The following MMP1 variants were observed in gnomAD, a reference collection of about 807,000 sequenced individuals.
The protein encoded by MMP1 is interstitial collagenase.
A neutral mutation model predicts 49.6 loss-of-function variants in MMP1; 51 were observed. The observed-to-expected ratio is 1.03, with a 90% CI of 0.82 to 1.30. The LOEUF (loss-of-function observed/expected upper bound fraction) is 1.30. Among genes scored for constraint, MMP1 ranks in the 50% most tolerant of loss-of-function variants. MMP1 has a pLI of 0.00. For synonymous variants in MMP1, 230 were observed against 196.8 expected, an observed-to-expected ratio of 1.17 and a Z score of -1.41; for missense variants, 623 against 568.7, an observed-to-expected ratio of 1.10 and a Z score of -0.97.
At position 102,797,088 on chromosome 11, in the gene MMP1, C is replaced by G. The variant is rs1858214384; in HGVS notation, c.425G>C (p.Ser142Thr). The G allele has an allele frequency of 6.2e-7, 1 of 1,614,168 alleles. No homozygotes were observed. The highest frequency in any genetic ancestry group is 1.1e-5 in the South Asian group (1 of 91,086). The change falls in exon 3 of 10, where the codon AGT (serine) becomes ACT (threonine). Residue 142 changes from serine to threonine, a missense_variant. Physicochemically the swap from Ser to Thr is moderately conservative, Grantham distance 58 (BLOSUM62 1). Coordinates refer to ENST00000315274, the MANE Select transcript of MMP1 (RefSeq NM_002421.4). Reference protein sequence around the residue: ...HAIEKAFQLWSNVTPLTFTKV... With the variant: ...HAIEKAFQLWTNVTPLTFTKV... The stretch of plus-strand genomic sequence containing the variant: ...GGTGAATGTCAGAGGTGTGACATTA[C>G]TCCAGAGTTGGAAGGCTTTCTCAAT...
Position 102,792,700 on chromosome 11 carries a change from T to C in MMP1, c.938A>G (p.Glu313Gly). The change falls in exon 7 of 10, where the codon GAG becomes GGG. Residue 313 changes from glutamate (E) to glycine (G), a missense_variant. By Grantham distance (98) the Glu-to-Gly change is moderately conservative (BLOSUM62 -2). Transcript: ENST00000315274. ...MRTNPFYPEV[E>G]LNFISVFWPQ... ...CCAGAAAACAGAAATGAAATTGAGCTCAACTTCCGGGTAGAAGGGATTTGT... is the reference window on the plus strand; with the variant it reads ...CCAGAAAACAGAAATGAAATTGAGCCCAACTTCCGGGTAGAAGGGATTTGT... 6.2e-7 allele frequency: 1 copy of C among 1,613,818 alleles called. No individual in the cohort carries two copies. The highest frequency in any genetic ancestry group is 8.5e-7 in the Non-Finnish European group (1 of 1,179,772).
chr11:102,795,765 G>T (rs1017768381), intron 4 of MMP1, among the ~76,000 whole-genome samples, 158 bp from the exon 5 acceptor site: 1 of 152,042 alleles, frequency 6.6e-6, no homozygotes, highest in Non-Finnish European at 1.5e-5. Context: ...AAGGCAGAAG[G>T]CATGCATTTA....
chr11:102,792,476 G>T, intron 7 of MMP1, 129 bp downstream of exon 7: 1 of 915,488 alleles, frequency 1.1e-6, no homozygotes, highest in Non-Finnish European at 1.6e-6. Context: ...GACTTTCATT[G>T]ATTTGGTTGG....
intron 7 of MMP1, 25 bp downstream of exon 7, chr11:102,792,580 A>T (rs1565210505): frequency 6.2e-7 from 1 of 1,608,708 alleles, no homozygotes; most frequent in Non-Finnish European, 8.5e-7. Context: ...TTATTAAAGC[A>T]GTGAAAAATA....
rs371106856 is a variant in MMP1 at position 102,798,028 on chromosome 11, G to T, written c.65C>A (p.Ala22Glu). Residue 22 changes from alanine (A) to glutamate (E), a missense_variant, in exon 1 of 10, where the codon GCG (alanine) becomes GAG (glutamate). Transcript: ENST00000315274. ...FWGVVSHSFPATLETQEQDVD... is the reference protein window; with the variant it reads ...FWGVVSHSFPETLETQEQDVD... ...ATCTTGCTCTTGTGTTTCTAGAGTC[G>T]CTGGGAAGCTGTGAGACACCACACC... 11 of 1,613,468 alleles carry T rather than the reference G, an allele frequency of 6.8e-6. No individual in the cohort carries two copies. Among genetic ancestry groups the T allele is most frequent in the Admixed American group, 5.0e-5 (3 of 59,982 alleles).
At chr11:102,795,935 A>G (rs1341002604) in intron 4 of MMP1, among the ~76,000 whole-genome samples, 1 of 152,160 alleles carries the variant, frequency 6.6e-6, no homozygotes, top group Non-Finnish European at 1.5e-5. Flanking sequence ...TTCTATTAAC[A>G]TTTAATATTT....
chr11:102,795,251 G>T lies in MMP1; in HGVS notation c.822C>A (p.Thr274=). 6.2e-7 allele frequency: 1 copy of T among 1,614,080 alleles called. No individual in the cohort carries two copies. The highest frequency in any genetic ancestry group is 1.1e-5 in the South Asian group (1 of 91,086). Reference sequence around the variant, plus strand: ...TTAGCTTACTGTCACACGCTTTTGGGGTTTGTGGGCCGATGGGCTGGACAG... The same window carrying T: ...TTAGCTTACTGTCACACGCTTTTGGTGTTTGTGGGCCGATGGGCTGGACAG... ...QNPVQPIGPQ[T]PKACDSKLTF... is the part of the protein sequence containing the mutation. The change falls in exon 6 of 10, where the codon ACC becomes ACA. Residue 274 remains threonine (T), a synonymous_variant. Transcript: ENST00000315274.
chr11:102,793,876 G>A (rs971325775), intron 6 of MMP1, among the ~76,000 whole-genome samples: 8 of 152,200 alleles, frequency 5.3e-5, no homozygotes, highest in African/African-American at 9.7e-5. Flanking sequence ...GGAAGCCTAC[G>A]GCCTTGGCTG....
rs765392733 is a variant in MMP1, at chr11:102,791,338, G to C, written c.1191C>G (p.Tyr397Ter). ...GKTYFFVANK[Y>*]WRYDEYKRSM... ...TTCTCTGCACTTAAACTTACCTCCA[G>C]TATTTGTTAGCAACAAAGAAGTAGG... Residue 397 changes from tyrosine (Y) to a stop codon, truncating the protein, a stop_gained, in exon 8 of 10, where the codon TAC (tyrosine) becomes TAG (stop). Coordinates refer to ENST00000315274, the MANE Select transcript of MMP1 (RefSeq NM_002421.4). LOFTEE classifies it high-confidence loss of function. 5.0e-6 allele frequency: 8 copies of C among 1,613,800 alleles called. No individual in the cohort carries two copies. The highest frequency in any genetic ancestry group is 6.8e-6 in the Non-Finnish European group (8 of 1,179,730).
intron 9 of MMP1, 54 bp from the exon 10 acceptor site, chr11:102,790,575 A>T: frequency 1.4e-6 from 2 of 1,384,748 alleles, no homozygotes; most frequent in Non-Finnish European, 2.0e-6. Flanking sequence ...TTCTAGGTTT[A>T]ACTTGAATTC....
At chr11:102,790,562 A>C (rs769298648) in intron 9 of MMP1, 41 bp from the exon 10 acceptor site, 52 of 1,402,816 alleles carry the variant, frequency 3.7e-5, no homozygotes, top group Non-Finnish European at 5.1e-5. Context: ...TTATACAAGT[A>C]GTTTCTAGGT....
chr11:102,796,877 C>A, intron 3 of MMP1, 88 bp from the exon 4 acceptor site: 1 of 1,549,282 alleles, frequency 6.5e-7, no homozygotes, highest in Non-Finnish European at 8.7e-7. Flanking sequence ...AAGAGGCCAA[C>A]AGACTTCCAT....
At chr11:102,796,849 G>A in intron 3 of MMP1, 60 bp from the exon 4 acceptor site, 40 of 1,583,802 alleles carry the variant, frequency 2.5e-5, no homozygotes, top group Non-Finnish European at 3.2e-5. Flanking sequence ...AGCCAGAAGG[G>A]CAAGCATTAG....
chr11:102,790,514 GA>G lies in MMP1; in HGVS notation c.1307del (p.Phe436SerfsTer20), dbSNP rs756276900. 64 of 1,582,518 alleles carry G rather than the reference GA, an allele frequency of 4.0e-5. No homozygotes were observed. The highest frequency in any genetic ancestry group is 5.3e-5 in the Non-Finnish European group (61 of 1,159,312). On this transcript the variant is annotated frameshift_variant, in exon 10 of 10. Transcript: ENST00000315274. LOFTEE classifies it low-confidence loss of function (END_TRUNC). Reference sequence around the variant, plus strand: ...ATTGTCTTGTTCCATGAAAGAAATAGAAAAATCCTAGAAACAAAACAAAAGA... The same window carrying G: ...ATTGTCTTGTTCCATGAAAGAAATAGAAAATCCTAGAAACAAAACAAAAGA... ...VDAVFMKDGF[F>X]YFFHGTRQYK... is the part of the protein sequence containing the mutation.
chr11:102,796,112 G>A (rs967976003), intron 4 of MMP1, among the ~76,000 whole-genome samples: 3 of 152,094 alleles, frequency 2.0e-5, no homozygotes, highest in African/African-American at 7.2e-5. Flanking sequence ...CACCATGCCT[G>A]TCTAATTTTT....
At chr11:102,795,749 T>A (rs1458373897) in intron 4 of MMP1, 142 bp from the exon 5 acceptor site, 2 of 688,548 alleles carry the variant, frequency 2.9e-6, no homozygotes, top group Non-Finnish European at 4.6e-6. Context: ...GTATATCTTT[T>A]TTCCGAAGGC....
At chr11:102,796,890 A>G in intron 3 of MMP1, 101 bp from the exon 4 acceptor site, 6 of 1,534,946 alleles carry the variant, frequency 3.9e-6, no homozygotes, top group Non-Finnish European at 5.3e-6. Flanking sequence ...ACTTCCATCA[A>G]CTGTGATGCA....
intron 6 of MMP1, 67 bp from the exon 7 acceptor site, chr11:102,792,805 C>T: frequency 1.4e-6 from 2 of 1,449,454 alleles, no homozygotes; most frequent in East Asian, 2.3e-5. Flanking sequence ...ATATCCAGCT[C>T]CAGCTCCTTC....
intron 7 of MMP1, among the ~76,000 whole-genome samples, chr11:102,791,977 T>C (rs1174353368): frequency 6.6e-6 from 1 of 152,220 alleles, no homozygotes; most frequent in Non-Finnish European, 1.5e-5. Context: ...ATTAATGCTG[T>C]GTCCAGATTC....
Sources: allele counts gnomAD v4.1 joint callset (sites outside exome capture counted in the v4.1 genomes callset), GRCh38; gene constraint gnomAD v4.1.1; transcripts MANE v1.5; gene names NCBI Gene and HGNC (gene_info 2026-07-23, HGNC 2026-07-21).